The following INO80 variants were observed in gnomAD, a reference collection of about 807,000 sequenced individuals.
INO80 encodes INO80 complex ATPase subunit, also known as chromatin-remodeling ATPase INO80.
In INO80, 20 loss-of-function variants were observed where a neutral mutation model predicts 203.4. The observed-to-expected ratio is 0.10, with a 90% CI of 0.07 to 0.14. The LOEUF (loss-of-function observed/expected upper bound fraction) is 0.14, where lower values mean the gene tolerates loss of function less well. Ranked by LOEUF, INO80 falls within the 10% of genes least tolerant of loss-of-function variation. The pLI, the probability that INO80 is intolerant of heterozygous loss-of-function variation, is 1.00. For synonymous variants in INO80, 726 were observed against 685.2 expected, an observed-to-expected ratio of 1.06 and a Z score of -0.93; for missense variants, 1,419 against 1,914.4, an observed-to-expected ratio of 0.74 and a Z score of 4.83.
chr15:40,987,161 G>C lies in INO80; in HGVS notation c.3762C>G (p.Phe1254Leu). The change falls in exon 31 of 36, where the codon TTC becomes TTG. Residue 1254 changes from phenylalanine to leucine, a missense_variant. Around this residue, in one of 9 missense-constraint regions of INO80, gnomAD observed 65 missense variants for 186.7 expected, o/e 0.35. Coordinates refer to ENST00000648947, the MANE Select transcript of INO80 (RefSeq NM_017553.3). ...CTTTGGGTTTCAAGGTATCTGGTTT[G>C]AAGTTCCCACCTGAAATCACCATCC... ...IQRMVISGGN[F>L]KPDTLKPKEV... 6.2e-7 allele frequency: 1 copy of C among 1,613,344 alleles called. No individual in the cohort carries two copies. Among genetic ancestry groups the C allele is most frequent in the Non-Finnish European group, 8.5e-7 (1 of 1,179,306 alleles).
intron 19 of INO80, among the ~76,000 whole-genome samples, chr15:41,052,602 G>A (rs2044895138): frequency 6.7e-6 from 1 of 149,988 alleles, no homozygotes; most frequent in Non-Finnish European, 1.5e-5. Flanking sequence ...GAGCCAAGGA[G>A]GTCAAAGCTG....
At chr15:41,075,403 C>G (rs888994737) in intron 9 of INO80, among the ~76,000 whole-genome samples, 1 of 151,706 alleles carries the variant, frequency 6.6e-6, no homozygotes, top group Non-Finnish European at 1.5e-5. Flanking sequence ...TCCCAAGTAG[C>G]TGGGACTATA....
At chr15:41,083,078 C>T (rs1046405257) in intron 7 of INO80, among the ~76,000 whole-genome samples, 1 of 151,824 alleles carries the variant, frequency 6.6e-6, no homozygotes, top group South Asian at 2.1e-4. Context: ...GTCAGAAGAT[C>T]GAGACCAGCC....
intron 27 of INO80, among the ~76,000 whole-genome samples, chr15:41,015,659 C>T (rs1346703171): frequency 2.7e-5 from 4 of 150,212 alleles, no homozygotes; most frequent in East Asian, 2.0e-4. Flanking sequence ...TTGGGGGCTG[C>T]GTGTGGTGGC....
chr15:41,019,743 G>A (rs7174513), intron 26 of INO80, among the ~76,000 whole-genome samples: 134,237 of 152,232 alleles, frequency 0.88, 61,292 homozygotes, highest in East Asian at 1. Flanking sequence ...CTTCAGATAC[G>A]CAGAAAGACA....
intron 1 of INO80, among the ~76,000 whole-genome samples, chr15:41,100,372 C>T (rs1462360780): frequency 6.6e-6 from 1 of 152,102 alleles, no homozygotes. Context: ...CTGTGCCCGG[C>T]CAATGAATGG....
chr15:41,026,070 T>A (rs979997599), intron 25 of INO80, among the ~76,000 whole-genome samples: 8 of 152,104 alleles, frequency 5.3e-5, no homozygotes, highest in Admixed American at 1.3e-4. Context: ...GGAATTAAAC[T>A]CATATAGCAC....
At chr15:41,051,033 G>C (rs1185127160) in intron 19 of INO80, among the ~76,000 whole-genome samples, 1 of 148,226 alleles carries the variant, frequency 6.7e-6, no homozygotes, top group African/African-American at 2.5e-5. Flanking sequence ...GGAGGCTGAG[G>C]CAGGAGAATC....
intron 1 of INO80, among the ~76,000 whole-genome samples, chr15:41,098,226 C>T (rs1274374757): frequency 6.6e-6 from 1 of 152,154 alleles, no homozygotes; most frequent in East Asian, 1.9e-4. Context: ...TCTAATATAA[C>T]TTTCCTATCT....
chr15:41,086,861 A>G (rs1268072657), intron 6 of INO80, among the ~76,000 whole-genome samples: 4 of 152,124 alleles, frequency 2.6e-5, no homozygotes, highest in African/African-American at 9.7e-5. Context: ...GACAGCAACA[A>G]TGATAACTTA....
intron 24 of INO80, among the ~76,000 whole-genome samples, chr15:41,029,534 C>T (rs1047070243): frequency 1.3e-5 from 2 of 152,176 alleles, no homozygotes; most frequent in Non-Finnish European, 1.5e-5. Context: ...TACTGCTAGG[C>T]CCATGTAGCT....
At chr15:40,996,371 G>A (rs776712537) in intron 29 of INO80, among the ~76,000 whole-genome samples, 1 of 152,186 alleles carries the variant, frequency 6.6e-6, no homozygotes, top group Non-Finnish European at 1.5e-5. Flanking sequence ...CGCCCAGAGT[G>A]GAGTGCAGTG....
At position 41,027,733 on chromosome 15, in the gene INO80, G is replaced by C; in HGVS notation, c.2911C>G (p.Leu971Val). 2 of 1,570,950 alleles carry C rather than the reference G, an allele frequency of 1.3e-6. No individual in the cohort carries two copies. Among genetic ancestry groups the C allele is most frequent in the Non-Finnish European group, 1.7e-6 (2 of 1,157,864 alleles). The change falls in exon 25 of 36, where the codon CTT becomes GTT. Residue 971 changes from leucine to valine, a missense_variant. Physicochemically the swap from Leu to Val is conservative, Grantham distance 32 (BLOSUM62 1). This residue lies in a region of INO80 where 302 missense variants were observed against 345.4 expected (regional missense o/e 0.87). Coordinates refer to ENST00000648947, the MANE Select transcript of INO80 (RefSeq NM_017553.3). ...NLCSCPLLKS[L>V]VFSSHCKAVS... The stretch of plus-strand genomic sequence containing the variant: ...GCTTTACAGTGGCTGCTGAAAACAA[G>C]AGACTGCAAAATAAAAATGCAAATG...
intron 29 of INO80, among the ~76,000 whole-genome samples, chr15:40,991,255 G>A (rs1460013320): frequency 6.6e-6 from 1 of 152,114 alleles, no homozygotes; most frequent in East Asian, 1.9e-4. Flanking sequence ...TGGGGAATTT[G>A]GGAGGAAAAC....
At chr15:41,034,608 G>A (rs2044542200) in intron 24 of INO80, among the ~76,000 whole-genome samples, 1 of 152,188 alleles carries the variant, frequency 6.6e-6, no homozygotes. Flanking sequence ...GCCTTAAGAT[G>A]ACAAAGCTGA....
chr15:41,099,598 T>C (rs796171073), intron 1 of INO80, among the ~76,000 whole-genome samples: 16 of 152,036 alleles, frequency 1.1e-4, no homozygotes, highest in African/African-American at 3.4e-4. Flanking sequence ...CTGAGTAACA[T>C]GGCGAGACCT....
intron 24 of INO80, among the ~76,000 whole-genome samples, chr15:41,039,987 A>G (rs2044643128): frequency 6.6e-6 from 1 of 152,242 alleles, no homozygotes; most frequent in African/African-American, 2.4e-5. Context: ...ACAGAGGAAC[A>G]TAATCAAAAC....
intron 21 of INO80, among the ~76,000 whole-genome samples, chr15:41,048,505 T>C (rs2140527324): frequency 6.6e-6 from 1 of 152,336 alleles, no homozygotes; most frequent in East Asian, 1.9e-4. Flanking sequence ...TCTCATTTTA[T>C]TTCAGAGAAT....
intron 33 of INO80, 47 bp from the exon 34 acceptor site, chr15:40,983,968 C>T (rs1315267723): frequency 7.5e-6 from 12 of 1,592,776 alleles, no homozygotes; most frequent in South Asian, 1.1e-5. Flanking sequence ...GTGCTCACCG[C>T]CCATGGCCTT....
Sources: gnomAD v4.1 joint callset for allele counts (sites outside exome capture counted in the v4.1 genomes callset) on GRCh38, gnomAD v4.1.1 for gene constraint, gnomAD v4.1.1 regional missense constraint, MANE v1.5 for transcripts, NCBI Gene and HGNC (gene_info 2026-07-23, HGNC 2026-07-21) for gene names.